The following MRPL33 variants were observed in gnomAD, a reference collection of about 807,000 sequenced individuals.
MRPL33 encodes the protein large ribosomal subunit protein bL33m.
MRPL33 carries 5 observed loss-of-function variants against 10.1 expected under a neutral mutation model. That is an observed-to-expected ratio of 0.49 (90% CI 0.26 to 1.04). The LOEUF is 1.04. MRPL33 is among the 50% of genes least tolerant of loss of function. The probability of loss-of-function intolerance (pLI) is 0.14; values close to 1 mark genes in which losing one functional copy is unlikely to be tolerated. For synonymous variants in MRPL33, 24 were observed against 27.7 expected, an observed-to-expected ratio of 0.87 and a Z score of 0.42; for missense variants, 79 against 78.1, an observed-to-expected ratio of 1.01 and a Z score of -0.04.
Position 27,779,468 on chromosome 2 carries a change from A to G in MRPL33, c.184A>G (p.Ile62Val). ...QRVLFVEKKKIRSL is the reference protein window; with the variant it reads ...QRVLFVEKKKVRSL ...AGTCCTCTTCGTGGAAAAGAAAAAAATACGCTCCCTTTAAACGGTGGATTG... is the reference window on the plus strand; with the variant it reads ...AGTCCTCTTCGTGGAAAAGAAAAAAGTACGCTCCCTTTAAACGGTGGATTG... Residue 62 changes from isoleucine (I) to valine (V), a missense_variant, in exon 4 of 4, where the codon ATA becomes GTA. Physicochemically the swap from Ile to Val is conservative, Grantham distance 29. Transcript: ENST00000296102. 6.2e-7 allele frequency: 1 copy of G among 1,612,434 alleles called. No homozygotes were observed. The highest frequency in any genetic ancestry group is 1.1e-5 in the South Asian group (1 of 90,406).
At chr2:27,772,794 T>C in intron 2 of MRPL33, 102 bp downstream of exon 2, 1 of 912,198 alleles carries the variant, frequency 1.1e-6, no homozygotes, top group South Asian at 1.6e-5. Context: ...GCATTGGGCC[T>C]TGATTTCCTA....
chr2:27,775,350 A>ATTTT (rs67199907), intron 3 of MRPL33, among the ~76,000 whole-genome samples: 4 of 123,050 alleles, frequency 3.3e-5, no homozygotes, highest in African/African-American at 6.2e-5. Context: ...TTTATAATTA[A>ATTTT]TTTTTTTTTT....
chr2:27,773,119 T>G (rs1385968662), intron 2 of MRPL33, among the ~76,000 whole-genome samples: 1 of 152,094 alleles, frequency 6.6e-6, no homozygotes, highest in Non-Finnish European at 1.5e-5. Flanking sequence ...TTTTAATGAG[T>G]TTTGTAATCC....
Position 27,779,716 on chromosome 2 carries a change from A to G in MRPL33, c.*234A>G, listed in dbSNP as rs577133138. The G allele has an allele frequency of 3.4e-5, 23 of 677,120 alleles. No individual in the cohort carries two copies. In the East Asian group the frequency reaches 7.7e-4, roughly 23 times the overall value. 41.9% of individuals were successfully genotyped at this position (677,120 alleles called of 1,614,324 possible). On this transcript the variant is annotated 3_prime_UTR_variant, in exon 4 of 4. Coordinates refer to ENST00000296102, the MANE Select transcript of MRPL33 (RefSeq NM_004891.4). Reference sequence around the variant, plus strand: ...TTTCTGGGTATTTTTATAGCCCTTAATAAAAAATATTAAAATAGCCTGTGC... The same window carrying G: ...TTTCTGGGTATTTTTATAGCCCTTAGTAAAAAATATTAAAATAGCCTGTGC...
chr2:27,771,866 C>A, intron 1 of MRPL33, 67 bp downstream of exon 1: 1 of 1,498,552 alleles, frequency 6.7e-7, no homozygotes, highest in Non-Finnish European at 9.2e-7. Flanking sequence ...AGGCAGGGCC[C>A]CGGAATGATG....
chr2:27,772,588 A>G (rs1166159536), intron 1 of MRPL33, 86 bp from the exon 2 acceptor site: 1 of 1,071,676 alleles, frequency 9.3e-7, no homozygotes, highest in Non-Finnish European at 1.4e-6. Flanking sequence ...TTTGGTTATT[A>G]CTGATATTTA....
At chr2:27,778,608 G>A (rs1677218677) in intron 3 of MRPL33, among the ~76,000 whole-genome samples, 1 of 151,704 alleles carries the variant, frequency 6.6e-6, no homozygotes, top group Admixed American at 6.6e-5. Flanking sequence ...AGGCTGGAGT[G>A]CAATGGTGCG....
At chr2:27,772,248 T>C (rs1346550225) in intron 1 of MRPL33, 2 of 239,956 alleles carry the variant, frequency 8.3e-6, no homozygotes, top group East Asian at 9.2e-5. Context: ...TACCCTTGGC[T>C]GACTTCCCAG....
At chr2:27,772,039 A>G in intron 1 of MRPL33, 1 of 502,834 alleles carries the variant, frequency 2.0e-6, no homozygotes, top group South Asian at 2.9e-5. Context: ...GTCCTCACGG[A>G]CCGTTGAGTC....
rs770049266 is a variant in MRPL33, at chr2:27,779,560, G to A, written c.*78G>A. ...TACTGATTCAGAAATCCTGTAGCGT[G>A]TAATAAAAGAAGAGGAAATGGCATG... On this transcript the variant is annotated 3_prime_UTR_variant, in exon 4 of 4. Transcript: ENST00000296102. 1.2e-4 allele frequency: 190 copies of A among 1,595,192 alleles called. No homozygotes were observed. The highest frequency in any genetic ancestry group is 1.5e-4 in the Non-Finnish European group (180 of 1,175,006).
At chr2:27,777,332 C>A (rs1471129128) in intron 3 of MRPL33, among the ~76,000 whole-genome samples, 1 of 151,858 alleles carries the variant, frequency 6.6e-6, no homozygotes, top group African/African-American at 2.4e-5. Flanking sequence ...TGGCCAAGTC[C>A]CTGTTCTGTC....
At position 27,777,392 on chromosome 2, in the gene MRPL33, T is replaced by TA. The variant is rs748289766; in HGVS notation, c.149-2039dup. ...AAAACTTTTTTTTTTTTTTTTTTTT[T>TA]AATCAAGACCCATCCCTGTGGTCAG... On this transcript the variant is annotated intron_variant, in intron 3 of 3. Coordinates refer to ENST00000296102, the MANE Select transcript of MRPL33 (RefSeq NM_004891.4). Among the ~76,000 whole-genome samples the TA allele has an allele frequency of 6.0e-3, 702 of 117,594 alleles. 5 individuals are homozygous for TA. The highest frequency in any genetic ancestry group is 0.02 in the African/African-American group (661 of 33,438). The allele number at this position is 117,594 out of a possible 152,430, so 77.1% of individuals were successfully genotyped here. A position where few individuals can be genotyped will look rare whatever the true frequency, so the allele number is the denominator to read the frequency against.
At chr2:27,778,877 C>T (rs144286144) in intron 3 of MRPL33, among the ~76,000 whole-genome samples, 5 of 152,164 alleles carry the variant, frequency 3.3e-5, no homozygotes, top group South Asian at 2.1e-4. Context: ...TCATCCAGGC[C>T]GGTAGCACTT....
chr2:27,777,007 G>A (rs745835508), intron 3 of MRPL33, among the ~76,000 whole-genome samples: 4 of 152,144 alleles, frequency 2.6e-5, no homozygotes, highest in African/African-American at 9.7e-5. Context: ...AGTTGGAACC[G>A]AGTCTTTCTC....
At chr2:27,774,886 GTTAACCGAGAC>G (rs1201516095) in intron 3 of MRPL33, among the ~76,000 whole-genome samples, 1 of 152,202 alleles carries the variant, frequency 6.6e-6, no homozygotes, top group East Asian at 1.9e-4. Flanking sequence ...GGAGGAGATA[GTTAACCGAGAC>G]CTGAAGGTGA....
At chr2:27,774,582 C>T in intron 3 of MRPL33, 52 bp downstream of exon 3, 1 of 1,363,352 alleles carries the variant, frequency 7.3e-7, no homozygotes, top group Non-Finnish European at 1.1e-6. Context: ...CCTTTGTAGG[C>T]TGAACATCTG....
intron 2 of MRPL33, 180 bp downstream of exon 2, chr2:27,772,872 T>A: frequency 1.7e-6 from 1 of 583,968 alleles, no homozygotes; most frequent in Non-Finnish European, 3.0e-6. Context: ...ATATTTTCCC[T>A]CCTGCTGAAC....
At chr2:27,775,368 TTGAGATGGAGTCTCAC>T (rs1402789420) in intron 3 of MRPL33, among the ~76,000 whole-genome samples, 40 of 150,502 alleles carry the variant, frequency 2.7e-4, no homozygotes, top group Non-Finnish European at 5.2e-4. Flanking sequence ...TTTTTTTTTT[TTGAGATGGAGTCTCAC>T]TTTGTCGCCC....
At position 27,774,548 on chromosome 2, in the gene MRPL33, T is replaced by A. The variant is rs773783082; in HGVS notation, c.148+18T>A. 14 of 1,603,178 alleles carry A rather than the reference T, an allele frequency of 8.7e-6. No individual in the cohort carries two copies. The highest frequency in any genetic ancestry group is 4.4e-5 in the South Asian group (4 of 90,842). On this transcript the variant is annotated intron_variant, in intron 3 of 3. Transcript: ENST00000296102. ...TCCAGTTGGTAAGATCTGGGGAGGT[T>A]AATGCTTCCAAGGCCTGTTGCCCCC...
Sources: allele counts gnomAD v4.1 joint callset (sites outside exome capture counted in the v4.1 genomes callset), GRCh38; gene constraint gnomAD v4.1.1; transcripts MANE v1.5; gene names NCBI Gene and HGNC (gene_info 2026-07-23, HGNC 2026-07-21).